PDE1C: variants seen among roughly 807,000 people sequenced by gnomAD.
The protein encoded by PDE1C is dual specificity calcium/calmodulin-dependent 3',5'-cyclic nucleotide phosphodiesterase 1C.
In PDE1C, 62 loss-of-function variants were observed where a neutral mutation model predicts 93.1. That is an observed-to-expected ratio of 0.67 (90% confidence interval 0.54 to 0.82). The LOEUF is 0.82. PDE1C is among the 40% of genes least tolerant of loss of function. The probability of loss-of-function intolerance (pLI) is 0.00; values close to 1 mark genes in which losing one functional copy is unlikely to be tolerated. For synonymous variants in PDE1C, 325 were observed against 310.1 expected (o/e 1.05, Z -0.50); for missense variants, 742 against 884.6 (o/e 0.84, Z 2.04).
chr7:31,708,550 T>C, the PDE1C span: 2 of 152,266 alleles, frequency 1.3e-5, no homozygotes, highest in South Asian at 4.1e-4. Flanking sequence ...AGTTTTGCTT[T>C]GTTTTACTTT....
chr7:32,215,342 T>C (rs1190869320), intron 1 of PDE1C, among the ~76,000 whole-genome samples: 2 of 152,082 alleles, frequency 1.3e-5, no homozygotes, highest in African/African-American at 4.8e-5. Flanking sequence ...ACCCGTTTTG[T>C]AGAAAAAATG....
intron 17 of PDE1C, among the ~76,000 whole-genome samples, chr7:31,758,308 AAAAAAAATT>A (rs1484209863): frequency 9.2e-5 from 7 of 76,404 alleles, no homozygotes; most frequent in East Asian, 4.1e-4. Context: ...AAAAAATGGT[AAAAAAAATT>A]AAAAAAAAAT....
intron 2 of PDE1C, among the ~76,000 whole-genome samples, chr7:32,184,650 G>C (rs1803712206): frequency 6.6e-6 from 1 of 152,116 alleles, no homozygotes; most frequent in Non-Finnish European, 1.5e-5. Context: ...GGCCTGTTGT[G>C]GGGTAGGGGT....
intron 16 of PDE1C, chr7:31,790,074 A>C: frequency 6.9e-7 from 1 of 1,439,152 alleles, no homozygotes; most frequent in South Asian, 1.6e-5. Flanking sequence ...CCCTGGAAGG[A>C]GATGGTGTGA....
chr7:31,868,728 C>A (rs779481887), intron 6 of PDE1C, among the ~76,000 whole-genome samples: 1 of 151,988 alleles, frequency 6.6e-6, no homozygotes, highest in Non-Finnish European at 1.5e-5. Context: ...TCAAAAAGAT[C>A]TCCACAGCAC....
intron 2 of PDE1C, among the ~76,000 whole-genome samples, chr7:31,914,653 C>G (rs1445129344): frequency 6.6e-6 from 1 of 152,182 alleles, no homozygotes; most frequent in Non-Finnish European, 1.5e-5. Flanking sequence ...GAACATTAAG[C>G]TACCAAATAT....
At chr7:32,206,765 G>A (rs1805585703) in intron 2 of PDE1C, among the ~76,000 whole-genome samples, 1 of 152,218 alleles carries the variant, frequency 6.6e-6, no homozygotes, top group Admixed American at 6.5e-5. Flanking sequence ...ACACCCGGTG[G>A]CTCTCGCCCC....
chr7:31,802,346 C>T (rs1165463235), intron 16 of PDE1C, among the ~76,000 whole-genome samples: 1 of 151,514 alleles, frequency 6.6e-6, no homozygotes, highest in East Asian at 1.9e-4. Flanking sequence ...CAATAGATAT[C>T]CCATTTCTCC....
At chr7:31,966,041 C>T (rs1023171202) in intron 2 of PDE1C, among the ~76,000 whole-genome samples, 9 of 152,154 alleles carry the variant, frequency 5.9e-5, no homozygotes, top group African/African-American at 2.2e-4. Context: ...TAGGAAGAAA[C>T]TGCATCAACT....
At chr7:32,103,108 G>C (rs1472093332) in intron 3 of PDE1C, among the ~76,000 whole-genome samples, 1 of 152,104 alleles carries the variant, frequency 6.6e-6, no homozygotes, top group Non-Finnish European at 1.5e-5. Context: ...TAAGTTCAGA[G>C]TTTTATCACC....
the PDE1C span, among the ~76,000 whole-genome samples, chr7:31,618,618 A>G: frequency 6.6e-6 from 1 of 152,060 alleles, no homozygotes; most frequent in African/African-American, 2.4e-5. Context: ...AATTTCATAA[A>G]CTCCCCTCCA....
intron 17 of PDE1C, among the ~76,000 whole-genome samples, chr7:31,759,079 C>A (rs967977154): frequency 1.3e-5 from 2 of 152,202 alleles, no homozygotes; most frequent in African/African-American, 2.4e-5. Context: ...AGACTCCCCA[C>A]TGAGTTTGTG....
chr7:31,740,080 T>C, the PDE1C span, among the ~76,000 whole-genome samples: 1 of 152,230 alleles, frequency 6.6e-6, no homozygotes, highest in Non-Finnish European at 1.5e-5. Flanking sequence ...ATACTGGCTG[T>C]GTAAGCCTCT....
chr7:31,631,486 T>A, the PDE1C span, among the ~76,000 whole-genome samples: 2,064 of 152,350 alleles, frequency 0.014, 54 homozygotes, highest in African/African-American at 0.047. Flanking sequence ...ATCTTTATTT[T>A]TTATTTATGA....
At chr7:32,386,322 T>C (rs2128091643) in intron 1 of PDE1C, among the ~76,000 whole-genome samples, 1 of 99,920 alleles carries the variant, frequency 1.0e-5, no homozygotes, top group East Asian at 2.6e-4. Context: ...ATATCCTTCC[T>C]GACCTTTTGC....
chr7:31,620,155 C>T, the PDE1C span, among the ~76,000 whole-genome samples: 1 of 152,174 alleles, frequency 6.6e-6, no homozygotes, highest in Admixed American at 6.5e-5. Context: ...CTGCCTGCCT[C>T]TGCAGGCTCC....
In PDE1C at chr7:31,759,448, C is replaced by T. The variant is rs1010038776; in HGVS notation, c.1961-5895G>A. Among the ~76,000 whole-genome samples, 6 of 152,298 alleles carry T rather than the reference C, an allele frequency of 3.9e-5. No individual in the cohort carries two copies. The East Asian group carries it at 5.8e-4, about 15-fold the overall frequency. On this transcript the variant is annotated intron_variant, in intron 17 of 17. Transcript: ENST00000396191. ...GAGAAGAACCAAACCTGGATCCCCA[C>T]CCCTGCCACAAATAAATGGTTGATT...
chr7:31,765,850 A>G (rs1365906654), intron 17 of PDE1C, among the ~76,000 whole-genome samples: 2 of 152,236 alleles, frequency 1.3e-5, no homozygotes, highest in Non-Finnish European at 2.9e-5. Context: ...AAGTGGTTAC[A>G]GTGAGGACTA....
At chr7:31,953,516 A>C (rs1315154838) in intron 2 of PDE1C, among the ~76,000 whole-genome samples, 1 of 152,220 alleles carries the variant, frequency 6.6e-6, no homozygotes, top group Non-Finnish European at 1.5e-5. Flanking sequence ...TCTATACAGG[A>C]ACACCTTCGC....
Sources: gnomAD v4.1 joint callset for allele counts (sites outside exome capture counted in the v4.1 genomes callset) on GRCh38, gnomAD v4.1.1 for gene constraint, MANE v1.5 for transcripts, NCBI Gene and HGNC (gene_info 2026-07-23, HGNC 2026-07-21) for gene names.